CERKL: variants seen among roughly 807,000 people sequenced by gnomAD.
CERKL encodes ceramide kinase-like protein.
A neutral mutation model predicts 63.4 loss-of-function variants in CERKL; 61 were observed. That is an observed-to-expected ratio of 0.96 (90% CI 0.78 to 1.19). The LOEUF is 1.19. CERKL is among the 50% of genes most tolerant of loss of function. The pLI, the probability that CERKL is intolerant of heterozygous loss-of-function variation, is 0.00. For synonymous variants in CERKL, 250 were observed against 230.5 expected (o/e 1.08, Z -0.77); for missense variants, 675 against 655.5 (o/e 1.03, Z -0.33).
At chr2:181,615,059 TC>T (rs1686132051) in intron 1 of CERKL, among the ~76,000 whole-genome samples, 1 of 152,198 alleles carries the variant, frequency 6.6e-6, no homozygotes, top group Admixed American at 6.5e-5. Flanking sequence ...ACATTAACTG[TC>T]CTCTCACATT....
intron 1 of CERKL, among the ~76,000 whole-genome samples, chr2:181,643,379 G>A (rs1315271285): frequency 6.6e-6 from 1 of 152,202 alleles, no homozygotes; most frequent in Non-Finnish European, 1.5e-5. Flanking sequence ...GGCCACTGCT[G>A]AAATCTTTCC....
At chr2:181,546,030 C>T (rs1018850052) in intron 10 of CERKL, among the ~76,000 whole-genome samples, 22 of 152,072 alleles carry the variant, frequency 1.4e-4, no homozygotes, top group Non-Finnish European at 2.9e-4. Context: ...GTGAAATCTC[C>T]TGTTCAATCA....
At chr2:181,630,067 G>C (rs997833458) in intron 1 of CERKL, among the ~76,000 whole-genome samples, 3 of 150,488 alleles carry the variant, frequency 2.0e-5, no homozygotes, top group Non-Finnish European at 4.4e-5. Context: ...TTCTCACTCT[G>C]TAACCCAGGG....
intron 11 of CERKL, among the ~76,000 whole-genome samples, chr2:181,543,563 A>G (rs1037508354): frequency 1.3e-5 from 2 of 152,340 alleles, no homozygotes; most frequent in African/African-American, 4.8e-5. Flanking sequence ...TAATGAGGCA[A>G]AAATGGAGAG....
chr2:181,584,406 G>A (rs764333277), intron 2 of CERKL, among the ~76,000 whole-genome samples: 1 of 152,050 alleles, frequency 6.6e-6, no homozygotes, highest in Non-Finnish European at 1.5e-5. Flanking sequence ...CAACTACTAG[G>A]GAGGTTGAGG....
At chr2:181,650,286 G>A (rs896804013) in intron 1 of CERKL, among the ~76,000 whole-genome samples, 1 of 152,066 alleles carries the variant, frequency 6.6e-6, no homozygotes, top group Non-Finnish European at 1.5e-5. Flanking sequence ...AAATTAAAAA[G>A]GAAATTAAAA....
rs1185574284 is a variant in CERKL at position 181,577,720 on chromosome 2, G to T, written c.482-3836C>A. Among the ~76,000 whole-genome samples, 8 of 152,240 alleles carry T rather than the reference G, an allele frequency of 5.3e-5. No individual in the cohort carries two copies. The South Asian group carries it at 1.7e-3, about 32-fold the overall frequency. ...GGCATGGGAGGCCAGGTGATGAAGG[G>T]TTTTAGGCAGTGACATGGGGTGGAA... On this transcript the variant is annotated intron_variant, in intron 2 of 12. Transcript: ENST00000410087.
chr2:181,604,405 A>T (rs941409727), intron 1 of CERKL, among the ~76,000 whole-genome samples: 3 of 152,230 alleles, frequency 2.0e-5, no homozygotes, highest in Admixed American at 6.5e-5. Flanking sequence ...CATCATTTGT[A>T]ATTTTATGGA....
intron 1 of CERKL, among the ~76,000 whole-genome samples, chr2:181,639,717 G>A (rs1404514468): frequency 6.6e-6 from 1 of 152,168 alleles, no homozygotes. Context: ...GAGTCAGACT[G>A]CCTAGCTTTG....
intron 1 of CERKL, among the ~76,000 whole-genome samples, chr2:181,642,851 G>C (rs1255390518): frequency 6.6e-5 from 10 of 152,182 alleles, no homozygotes; most frequent in Admixed American, 6.5e-4. Flanking sequence ...GGATGAGCTA[G>C]TCCTTTTGTC....
chr2:181,542,775 T>C (rs906835726), intron 11 of CERKL, among the ~76,000 whole-genome samples: 2 of 152,150 alleles, frequency 1.3e-5, no homozygotes, highest in Non-Finnish European at 2.9e-5. Context: ...ATATGATAAA[T>C]CCTGCATAAT....
At chr2:181,566,973 T>C (rs1352014233) in intron 3 of CERKL, among the ~76,000 whole-genome samples, 2 of 152,178 alleles carry the variant, frequency 1.3e-5, no homozygotes, top group African/African-American at 4.8e-5. Flanking sequence ...CAAGATTACA[T>C]TAATCTTTCA....
chr2:181,616,434 A>G (rs1686200890), intron 1 of CERKL, among the ~76,000 whole-genome samples: 1 of 151,928 alleles, frequency 6.6e-6, no homozygotes, highest in Non-Finnish European at 1.5e-5. Flanking sequence ...GGACGGTCTC[A>G]ATCTCCTGAC....
chr2:181,623,152 T>A (rs969046496), intron 1 of CERKL, among the ~76,000 whole-genome samples: 1 of 152,228 alleles, frequency 6.6e-6, no homozygotes, highest in Non-Finnish European at 1.5e-5. Context: ...GTAGTAAAAA[T>A]TTTAAGTAGA....
Position 181,537,550 on chromosome 2 carries a change from G to A in CERKL, c.*634C>T, listed in dbSNP as rs1029871773. The stretch of plus-strand genomic sequence containing the variant: ...TGAAATTTAACTGCTCTGGATTAGG[G>A]AGCAGTGAATCAAGGCAGACTTATG... On this transcript the variant is annotated 3_prime_UTR_variant, in exon 13 of 13. Coordinates refer to ENST00000410087, the MANE Select transcript of CERKL (RefSeq NM_201548.5). The A allele has an allele frequency of 4.5e-6, 2 of 442,098 alleles. No homozygotes were observed. The highest frequency in any genetic ancestry group is 4.9e-5 in the Admixed American group (2 of 40,998). 27.4% of individuals were successfully genotyped at this position (442,098 alleles called of 1,614,324 possible). A position where few individuals can be genotyped will look rare whatever the true frequency, so the allele number is the denominator to read the frequency against.
At position 181,538,125 on chromosome 2, in the gene CERKL, G is replaced by A. The variant is rs1403034408; in HGVS notation, c.*59C>T. The A allele has an allele frequency of 8.4e-7, 1 of 1,192,492 alleles. No homozygotes were observed. Among genetic ancestry groups the A allele is most frequent in the African/African-American group, 1.5e-5 (1 of 66,496 alleles). 73.9% of individuals were successfully genotyped at this position (1,192,492 alleles called of 1,614,324 possible). On this transcript the variant is annotated 3_prime_UTR_variant, in exon 13 of 13. Coordinates refer to ENST00000410087, the MANE Select transcript of CERKL (RefSeq NM_201548.5). ...GTGGGGACCACAGGTTTAAAGCATG[G>A]CCACATTTCTTTATATTAAAATTCT...
intron 1 of CERKL, among the ~76,000 whole-genome samples, chr2:181,608,509 T>C (rs936954738): frequency 2.6e-5 from 4 of 152,158 alleles, no homozygotes; most frequent in South Asian, 2.1e-4. Context: ...TAACTTTTCA[T>C]TGAAGTCCTG....
At chr2:181,578,399 A>G (rs546715233) in intron 2 of CERKL, among the ~76,000 whole-genome samples, 1 of 152,240 alleles carries the variant, frequency 6.6e-6, no homozygotes, top group South Asian at 2.1e-4. Flanking sequence ...TCCCAGGCTC[A>G]AGCAATCCTC....
chr2:181,626,054 CTTAGAGT>C (rs1686689706), intron 1 of CERKL, among the ~76,000 whole-genome samples: 1 of 151,966 alleles, frequency 6.6e-6, no homozygotes, highest in African/African-American at 2.4e-5. Flanking sequence ...GACAGATAAG[CTTAGAGT>C]TTAAATAGCT....
Sources: gnomAD v4.1 joint callset for allele counts (sites outside exome capture counted in the v4.1 genomes callset) on GRCh38, gnomAD v4.1.1 for gene constraint, MANE v1.5 for transcripts, NCBI Gene and HGNC (gene_info 2026-07-23, HGNC 2026-07-21) for gene names.